The following CCDC122 variants were observed in gnomAD, a reference collection of about 807,000 sequenced individuals.
CCDC122 encodes the protein coiled-coil domain-containing protein 122.
In CCDC122, 38 loss-of-function variants were observed where a neutral mutation model predicts 37.0. That is an observed-to-expected ratio of 1.03 (90% CI 0.79 to 1.35). CCDC122 has a LOEUF of 1.35. CCDC122 is among the 40% of genes most tolerant of loss of function. CCDC122 has a pLI of 0.00. For synonymous variants in CCDC122, 83 were observed against 95.6 expected, an observed-to-expected ratio of 0.87 and a Z score of 0.77; for missense variants, 305 against 310.0, an observed-to-expected ratio of 0.98 and a Z score of 0.12.
intron 4 of CCDC122, among the ~76,000 whole-genome samples, chr13:43,862,977 T>G (rs577378522): frequency 6.6e-6 from 1 of 152,180 alleles, no homozygotes; most frequent in Admixed American, 6.5e-5. Context: ...TCCCTCTTCC[T>G]CTTCATCCTT....
chr13:43,830,146 G>A (rs993146038), intron 3 of CCDC122, among the ~76,000 whole-genome samples: 4 of 152,136 alleles, frequency 2.6e-5, no homozygotes, highest in Admixed American at 6.5e-5. Flanking sequence ...AAAGTGCTGG[G>A]ATTACAGGAG....
At chr13:43,851,289 CAGAT>C (rs1953718692) in intron 6 of CCDC122, among the ~76,000 whole-genome samples, 1 of 152,120 alleles carries the variant, frequency 6.6e-6, no homozygotes, top group Non-Finnish European at 1.5e-5. Flanking sequence ...AGTAAATAGA[CAGAT>C]AAAGAGGTCA....
intron 3 of CCDC122, among the ~76,000 whole-genome samples, chr13:43,831,245 A>G (rs943101926): frequency 2.6e-5 from 4 of 152,172 alleles, no homozygotes; most frequent in African/African-American, 9.7e-5. Flanking sequence ...TGGAAGAGAA[A>G]ATCATGTGCT....
At chr13:43,846,226 C>T (rs1953528949) in intron 6 of CCDC122, among the ~76,000 whole-genome samples, 2 of 152,126 alleles carry the variant, frequency 1.3e-5, no homozygotes, top group Admixed American at 6.5e-5. Context: ...AGGTGCCCGC[C>T]ACCACGCCCG....
chr13:43,828,296 T>C (rs971178014), intron 3 of CCDC122, among the ~76,000 whole-genome samples: 3 of 152,170 alleles, frequency 2.0e-5, no homozygotes, highest in African/African-American at 4.8e-5. Context: ...ACGCATTATG[T>C]GTCAGGTGTC....
chr13:43,834,718 A>G (rs1315582302), downstream of CCDC122, among the ~76,000 whole-genome samples: 1 of 152,232 alleles, frequency 6.6e-6, no homozygotes, highest in Non-Finnish European at 1.5e-5. Flanking sequence ...AATGCTCATC[A>G]TCACTGGCCA....
At chr13:43,848,712 CA>C (rs1566944697) in intron 6 of CCDC122, 3 of 458,292 alleles carry the variant, frequency 6.5e-6, no homozygotes, top group Non-Finnish European at 8.6e-6. Context: ...CACTGATATT[CA>C]AAAAAACATT....
At chr13:43,829,739 C>T (rs1953070771) in intron 3 of CCDC122, among the ~76,000 whole-genome samples, 2 of 152,136 alleles carry the variant, frequency 1.3e-5, no homozygotes, top group African/African-American at 4.8e-5. Context: ...TGAGAACAAC[C>T]AAAATATTTT....
At chr13:43,858,285 CCACAA>C (rs1161533365) in intron 6 of CCDC122, 1 of 152,288 alleles carries the variant, frequency 6.6e-6, no homozygotes, top group African/African-American at 2.4e-5. Flanking sequence ...ACAGGCAGCA[CCACAA>C]CACATTATGA....
At chr13:43,867,721 GAA>G (rs1436336355) in intron 4 of CCDC122, among the ~76,000 whole-genome samples, 1 of 152,066 alleles carries the variant, frequency 6.6e-6, no homozygotes, top group Admixed American at 6.6e-5. Flanking sequence ...TTTGAAGACT[GAA>G]AAGTTTTACA....
chr13:43,819,852 A>G (rs1410082709), downstream of CCDC122, among the ~76,000 whole-genome samples: 5 of 152,104 alleles, frequency 3.3e-5, no homozygotes, highest in African/African-American at 1.2e-4. Context: ...TGTGATTTCT[A>G]AAAATATAAA....
At chr13:43,830,890 G>C (rs1381348648) in intron 3 of CCDC122, among the ~76,000 whole-genome samples, 1 of 152,170 alleles carries the variant, frequency 6.6e-6, no homozygotes, top group Non-Finnish European at 1.5e-5. Context: ...GAATGAGGAA[G>C]CTGCATTTTT....
At chr13:43,840,553 C>T (rs1386801593) in intron 6 of CCDC122, among the ~76,000 whole-genome samples, 2 of 151,934 alleles carry the variant, frequency 1.3e-5, no homozygotes, top group African/African-American at 4.8e-5. Context: ...CAACAGGCCC[C>T]GGTGCGTGAT....
chr13:43,873,299 T>C (rs1054905905), intron 2 of CCDC122, among the ~76,000 whole-genome samples: 4 of 152,200 alleles, frequency 2.6e-5, no homozygotes, highest in Non-Finnish European at 5.9e-5. Flanking sequence ...ATTGCCTACC[T>C]GATAACTCCA....
chr13:43,868,799 GT>G lies in CCDC122; in HGVS notation c.50del (p.Asn17ThrfsTer7). 6.8e-7 allele frequency: 1 copy of G among 1,465,774 alleles called. No homozygotes were observed. The allele number at this position is 1,465,774 out of a possible 1,614,324, so 90.8% of individuals were successfully genotyped here. A position where few individuals can be genotyped will look rare whatever the true frequency, so the allele number is the denominator to read the frequency against. On this transcript the variant is annotated frameshift_variant, in exon 4 of 7. Transcript: ENST00000444614. LOFTEE classifies it high-confidence loss of function. ...RKSQGFPKED[N>X]QDTSSLADAV... ...CATCAGCTAATGAACTTGTGTCTTG[GT>G]TATCTACAATTAGACAAAAGAATAA...
At chr13:43,856,591 C>T (rs1175017677) in intron 6 of CCDC122, 1 of 168,760 alleles carries the variant, frequency 5.9e-6, no homozygotes, top group Non-Finnish European at 1.3e-5. Context: ...GATTGCACTA[C>T]TGCACTCTAG....
intron 6 of CCDC122, among the ~76,000 whole-genome samples, chr13:43,839,757 T>C (rs763108599): frequency 1.1e-4 from 16 of 152,216 alleles, no homozygotes; most frequent in Admixed American, 2.0e-4. Context: ...TTCACATCCT[T>C]GAAAATACTT....
chr13:43,873,917 C>T (rs553139901), intron 2 of CCDC122, among the ~76,000 whole-genome samples: 1 of 152,222 alleles, frequency 6.6e-6, no homozygotes, highest in African/African-American at 2.4e-5. Flanking sequence ...TGGCATATAA[C>T]AGGTGTCTAA....
chr13:43,819,964 G>GT (rs5803216), downstream of CCDC122, among the ~76,000 whole-genome samples: 139,577 of 151,746 alleles, frequency 0.92, 64,585 homozygotes, highest in South Asian at 0.98. Flanking sequence ...AAAACCTGAA[G>GT]TTTTTTTTAT....
Sources: gnomAD v4.1 joint callset for allele counts (sites outside exome capture counted in the v4.1 genomes callset) on GRCh38, gnomAD v4.1.1 for gene constraint, MANE v1.5 for transcripts, NCBI Gene and HGNC (gene_info 2026-07-23, HGNC 2026-07-21) for gene names.